The following NAT1 variants were observed in gnomAD, a reference collection of about 807,000 sequenced individuals.
The protein encoded by NAT1 is arylamine N-acetyltransferase 1.
For missense variants in NAT1, 400 were observed against 339.2 expected (o/e 1.18, Z -1.41); for synonymous variants, 144 against 122.6 (o/e 1.17, Z -1.16).
At chr8:18,219,372 A>C (rs1805044141) in intron 1 of NAT1, 39 bp from the exon 2 acceptor site, 1 of 1,334,158 alleles carries the variant, frequency 7.5e-7, no homozygotes, top group Non-Finnish European at 1.0e-6. Context: ...CAAGGAAGTC[A>C]TGTTATATAT....
At chr8:18,203,088 G>C (rs188915254) in intron 2 of NAT1, among the ~76,000 whole-genome samples, 2 of 152,286 alleles carry the variant, frequency 1.3e-5, no homozygotes, top group East Asian at 3.9e-4. Flanking sequence ...AGTTCTCCAA[G>C]TCCTCACTCC....
upstream of NAT1, among the ~76,000 whole-genome samples, chr8:18,205,582 C>T (rs1315297771): frequency 1.3e-5 from 2 of 152,132 alleles, no homozygotes; most frequent in Non-Finnish European, 2.9e-5. Flanking sequence ...GCAGACTGTA[C>T]TCCCGCCACA....
chr8:18,197,245 C>T (rs1173512684), intron 2 of NAT1, among the ~76,000 whole-genome samples: 1 of 152,166 alleles, frequency 6.6e-6, no homozygotes, highest in Non-Finnish European at 1.5e-5. Flanking sequence ...GTTGGGGACT[C>T]GGTCCCAAAC....
chr8:18,212,012 G>A (rs117171775), intron 1 of NAT1, among the ~76,000 whole-genome samples: 1 of 152,164 alleles, frequency 6.6e-6, no homozygotes, highest in East Asian at 1.9e-4. Context: ...CTACCTCTGG[G>A]TTAAACTGCT....
At chr8:18,220,923 C>A in intron 2 of NAT1, among the ~76,000 whole-genome samples, 1 of 152,354 alleles carries the variant, frequency 6.6e-6, no homozygotes, top group South Asian at 2.1e-4. Flanking sequence ...GTCCATGTGA[C>A]TATCCATAAG....
chr8:18,208,513 T>C (rs1047021648), upstream of NAT1, among the ~76,000 whole-genome samples: 1 of 151,894 alleles, frequency 6.6e-6, no homozygotes, highest in Non-Finnish European at 1.5e-5. Flanking sequence ...GAAAACACAA[T>C]CCATCATAAT....
upstream of NAT1, among the ~76,000 whole-genome samples, chr8:18,206,876 T>C (rs575715830): frequency 8.5e-5 from 13 of 152,278 alleles, no homozygotes; most frequent in South Asian, 2.5e-3. Flanking sequence ...TTTTGTTTAA[T>C]TAGACCCCAT....
chr8:18,184,394 A>G (rs28630622), intron 2 of NAT1, among the ~76,000 whole-genome samples: 44,942 of 151,988 alleles, frequency 0.3, 7,905 homozygotes, highest in African/African-American at 0.49. Context: ...CTGCCCACAA[A>G]GCCCTAAAGC....
chr8:18,209,187 G>A (rs1418967468), upstream of NAT1, among the ~76,000 whole-genome samples: 1 of 152,220 alleles, frequency 6.6e-6, no homozygotes, highest in African/African-American at 2.4e-5. Context: ...CAGACCCATA[G>A]TTTTCAAGTC....
intron 2 of NAT1, among the ~76,000 whole-genome samples, chr8:18,175,513 G>C (rs1038036336): frequency 1.3e-5 from 2 of 152,042 alleles, no homozygotes; most frequent in Admixed American, 6.6e-5. Flanking sequence ...GTGTTCTCCA[G>C]CTCCATCTAT....
chr8:18,222,386 C>G lies in NAT1; in HGVS notation c.339C>G (p.Thr113=), dbSNP rs1805408499. 6.2e-7 allele frequency: 1 copy of G among 1,614,062 alleles called. No homozygotes were observed. Residue 113 remains threonine, a synonymous_variant, in exon 3 of 3, where the codon ACC becomes ACG. Coordinates refer to ENST00000307719, the MANE Select transcript of NAT1 (RefSeq NM_000662.8). The part of the protein sequence containing the change: ...TGMIHLLLQV[T]IDGRNYIVDA... ...TGATTCACCTTCTCCTGCAGGTGACCATTGATGGCAGGAACTACATTGTCG... is the reference window on the plus strand; with the variant it reads ...TGATTCACCTTCTCCTGCAGGTGACGATTGATGGCAGGAACTACATTGTCG...
intron 1 of NAT1, among the ~76,000 whole-genome samples, chr8:18,210,834 G>A (rs896690850): frequency 6.6e-6 from 1 of 152,164 alleles, no homozygotes; most frequent in Admixed American, 6.5e-5. Context: ...GAGTGCAGTG[G>A]CGTGATCTCA....
rs1397542565 is a variant in NAT1 at position 18,219,461 on chromosome 8, A to C, written c.-35A>C. ...TCTGTCTTCTGGATTAAAACTGAAG[A>C]TCAACCTACTTTCAACTTACTAAGA... On this transcript the variant is annotated 5_prime_UTR_variant, in exon 2 of 3. Transcript: ENST00000307719. 1.9e-6 allele frequency: 3 copies of C among 1,550,576 alleles called. No homozygotes were observed. The African/African-American group carries it at 4.1e-5, about 21-fold the overall frequency.
intron 2 of NAT1, among the ~76,000 whole-genome samples, chr8:18,188,713 T>C (rs749098797): frequency 6.6e-6 from 1 of 151,624 alleles, no homozygotes; most frequent in Non-Finnish European, 1.5e-5. Flanking sequence ...TAGAAAAACA[T>C]CAGGCCGGGC....
chr8:18,180,150 T>G (rs1297827161), intron 2 of NAT1, among the ~76,000 whole-genome samples: 1 of 152,048 alleles, frequency 6.6e-6, no homozygotes, highest in East Asian at 1.9e-4. Context: ...ACCCCAAAAA[T>G]CATTGAGGAC....
chr8:18,180,226 G>T (rs570666707), intron 2 of NAT1, among the ~76,000 whole-genome samples: 5 of 152,260 alleles, frequency 3.3e-5, no homozygotes, highest in African/African-American at 1.2e-4. Context: ...TCTGACATCA[G>T]GGTGGTGTTG....
chr8:18,187,476 TA>T (rs1416587342), intron 2 of NAT1, among the ~76,000 whole-genome samples: 2 of 152,102 alleles, frequency 1.3e-5, no homozygotes, highest in African/African-American at 4.8e-5. Flanking sequence ...GACTGGCTTT[TA>T]AAAATGTGTA....
intron 2 of NAT1, among the ~76,000 whole-genome samples, chr8:18,193,197 C>T (rs1348577539): frequency 6.7e-6 from 1 of 148,630 alleles, no homozygotes; most frequent in Admixed American, 6.7e-5. Context: ...TCCACCTCAG[C>T]CACTCAAGTA....
rs1170067546 is a variant in NAT1 at position 18,203,445 on chromosome 8, TC to T, written n.93-6334del. 1.5e-4 allele frequency among the ~76,000 whole-genome samples: 23 copies of T among 152,236 alleles called. 1 individual carries two copies. Among genetic ancestry groups the T allele is most frequent in the Non-Finnish European group, 8.8e-5 (6 of 68,042 alleles). On this transcript the variant is annotated intron_variant and non_coding_transcript_variant, in intron 2 of 4. Coordinates refer to the NAT1 transcript ENST00000517441. ...TGGTAAGATAAGTTTAGGCTATCTC[TC>T]CTAGATTTTTAAGGTCACAAATGTT...
Sources: allele counts gnomAD v4.1 joint callset (sites outside exome capture counted in the v4.1 genomes callset), GRCh38; gene constraint gnomAD v4.1.1; transcripts MANE v1.5; gene names NCBI Gene and HGNC (gene_info 2026-07-23, HGNC 2026-07-21).